Variants in AKNAD1 observed in about 807,000 individuals in gnomAD.
The protein encoded by AKNAD1 is protein AKNAD1.
Under a neutral mutation model 90.8 loss-of-function variants are expected in AKNAD1, and 67 were observed. The observed-to-expected ratio is 0.74, with a 90% CI of 0.61 to 0.90. The LOEUF (loss-of-function observed/expected upper bound fraction) is 0.90. Ranked by LOEUF, AKNAD1 falls within the 40% of genes least tolerant of loss-of-function variation. The probability of loss-of-function intolerance (pLI) is 0.00; values close to 1 mark genes in which losing one functional copy is unlikely to be tolerated. For synonymous variants in AKNAD1, 327 were observed against 341.4 expected (o/e 0.96, Z 0.46); for missense variants, 957 against 975.4 (o/e 0.98, Z 0.25).
intron 9 of AKNAD1, among the ~76,000 whole-genome samples, chr1:108,833,865 T>C (rs1366040143): frequency 6.6e-6 from 1 of 152,048 alleles, no homozygotes; most frequent in African/African-American, 2.4e-5. Context: ...TCACCTATCA[T>C]TTACCCTGAA....
At chr1:108,817,497 A>ATTTT (rs10681740) in intron 14 of AKNAD1, 792 of 60,358 alleles carry the variant, frequency 0.013, 56 homozygotes, top group Middle Eastern at 0.065. Flanking sequence ...TTTTTTTTTA[A>ATTTT]TTTTTTTTTT....
At chr1:108,852,893 ACCAC>A in intron 1 of AKNAD1, 126 bp from the exon 2 acceptor site, 2 of 369,858 alleles carry the variant, frequency 5.4e-6, no homozygotes, top group South Asian at 1.4e-4. Flanking sequence ...AGGAAGCTCA[ACCAC>A]AAGCTGACCC....
chr1:108,828,144 T>C lies in AKNAD1; in HGVS notation c.1839-842A>G, dbSNP rs549452325. 1.1e-4 allele frequency among the ~76,000 whole-genome samples: 16 copies of C among 151,720 alleles called. No individual in the cohort carries two copies. In the South Asian group the frequency reaches 3.2e-3, roughly 30 times the overall value. On this transcript the variant is annotated intron_variant, in intron 10 of 15. Coordinates refer to ENST00000370001, the MANE Select transcript of AKNAD1 (RefSeq NM_152763.5). The stretch of plus-strand genomic sequence containing the variant: ...CAGTTCCTACCAGGGGAAGAAACTA[T>C]GCTATACGTCAGTAATGGGTCACGT...
In AKNAD1 at chr1:108,838,079, G is replaced by C. The variant is rs149600729; in HGVS notation, c.1380-373C>G. ...TACTTGTTATGCTAATTTAAAAAGA[G>C]GAAGAATATTAGATATCTGAATAAT... On this transcript the variant is annotated intron_variant, in intron 6 of 15. Coordinates refer to ENST00000370001, the MANE Select transcript of AKNAD1 (RefSeq NM_152763.5). Among the ~76,000 whole-genome samples, 509 of 152,150 alleles carry C rather than the reference G, an allele frequency of 3.3e-3. 4 individuals are homozygous for C. Among genetic ancestry groups the C allele is most frequent in the African/African-American group, 0.012 (499 of 41,494 alleles).
At chr1:108,840,495 AAATTTTATT>A (rs1664520171) in intron 6 of AKNAD1, among the ~76,000 whole-genome samples, 1 of 152,260 alleles carries the variant, frequency 6.6e-6, no homozygotes, top group Non-Finnish European at 1.5e-5. Flanking sequence ...AATCCTCATG[AAATTTTATT>A]AAGAACCTTG....
chr1:108,829,561 G>A (rs1277861210), intron 10 of AKNAD1, among the ~76,000 whole-genome samples: 3 of 152,206 alleles, frequency 2.0e-5, no homozygotes, highest in Admixed American at 6.5e-5. Flanking sequence ...GCTGATGACT[G>A]ACATGGTGGT....
chr1:108,824,711 T>G (rs371032405), intron 11 of AKNAD1, among the ~76,000 whole-genome samples: 1 of 151,644 alleles, frequency 6.6e-6, no homozygotes, highest in South Asian at 2.1e-4. Flanking sequence ...GTTTTTTTTG[T>G]TTTGTTTTGT....
At chr1:108,850,960 A>G (rs1020429381) in intron 2 of AKNAD1, among the ~76,000 whole-genome samples, 2 of 152,220 alleles carry the variant, frequency 1.3e-5, no homozygotes, top group African/African-American at 4.8e-5. Flanking sequence ...TTTGTACCAA[A>G]TGATTACCAA....
chr1:108,846,467 C>G (rs1314333713), intron 5 of AKNAD1, among the ~76,000 whole-genome samples: 2 of 152,136 alleles, frequency 1.3e-5, no homozygotes, highest in Non-Finnish European at 2.9e-5. Flanking sequence ...CTTCCATAAT[C>G]CCTGCAATCT....
intron 5 of AKNAD1, 82 bp from the exon 6 acceptor site, chr1:108,843,349 C>T: frequency 6.5e-7 from 1 of 1,545,766 alleles, no homozygotes; most frequent in East Asian, 2.3e-5. Context: ...AGCAGGTGTA[C>T]CCTACAGTAG....
Position 108,832,089 on chromosome 1 carries a change from C to T in AKNAD1, c.1747-1439G>A, listed in dbSNP as rs1033908949. Among the ~76,000 whole-genome samples the T allele has an allele frequency of 5.9e-5, 9 of 152,090 alleles. No homozygotes were observed. The East Asian group carries it at 1.4e-3, about 23-fold the overall frequency. On this transcript the variant is annotated intron_variant, in intron 9 of 15. Coordinates refer to ENST00000370001, the MANE Select transcript of AKNAD1 (RefSeq NM_152763.5). The stretch of plus-strand genomic sequence containing the variant: ...ACTTCCAACCATCCTGGCACGTTGT[C>T]GCCATTTTAATGGTGAGTGATCTGA...
At chr1:108,841,041 C>T (rs1482764923) in intron 6 of AKNAD1, among the ~76,000 whole-genome samples, 1 of 152,068 alleles carries the variant, frequency 6.6e-6, no homozygotes, top group African/African-American at 2.4e-5. Flanking sequence ...GGCATGGTGG[C>T]ATGCACCTTT....
At chr1:108,834,385 G>T in intron 9 of AKNAD1, 62 bp downstream of exon 9, 1 of 1,371,104 alleles carries the variant, frequency 7.3e-7, no homozygotes, top group South Asian at 1.3e-5. Flanking sequence ...CAGCAACACT[G>T]GTTTTAGTTA....
At position 108,827,204 on chromosome 1, in the gene AKNAD1, C is replaced by A; in HGVS notation, c.1936+1G>T. 6.2e-7 allele frequency: 1 copy of A among 1,608,250 alleles called. No homozygotes were observed. The highest frequency in any genetic ancestry group is 8.5e-7 in the Non-Finnish European group (1 of 1,176,606). On this transcript the variant is annotated splice_donor_variant, in intron 11 of 15. Coordinates refer to ENST00000370001, the MANE Select transcript of AKNAD1 (RefSeq NM_152763.5). LOFTEE classifies it high-confidence loss of function. Reference sequence around the variant, plus strand: ...CACCCAGCCCAAGCCCATCAACTTACTGGGAGTTGAATCTGAGTGTGGTGC... The same window carrying A: ...CACCCAGCCCAAGCCCATCAACTTAATGGGAGTTGAATCTGAGTGTGGTGC...
intron 10 of AKNAD1, among the ~76,000 whole-genome samples, chr1:108,829,964 G>A (rs1664133401): frequency 1.3e-5 from 2 of 152,196 alleles, no homozygotes; most frequent in Admixed American, 1.3e-4. Flanking sequence ...TTTCTCCTGA[G>A]GATTTTACAT....
Position 108,830,639 on chromosome 1 carries a change from G to A in AKNAD1, c.1758C>T (p.Asn586=), listed in dbSNP as rs140857271. ...CACAATCCTGCCTTCTTGGAGTGCCGTTGGGATCCTCCTGCGCCACAAAGC... is the reference window on the plus strand; with the variant it reads ...CACAATCCTGCCTTCTTGGAGTGCCATTGGGATCCTCCTGCGCCACAAAGC... ...RLSSNSGEDP[N]GTPRRQDCAE... The change falls in exon 10 of 16, where the codon AAC becomes AAT. Residue 586 remains asparagine (N), a synonymous_variant. Coordinates refer to ENST00000370001, the MANE Select transcript of AKNAD1 (RefSeq NM_152763.5). 7.6e-5 allele frequency: 122 copies of A among 1,613,974 alleles called. No homozygotes were observed. In the African/African-American group the frequency reaches 1.1e-3, roughly 15 times the overall value.
rs147290502 is a variant in AKNAD1, at chr1:108,823,357, G to A, written c.2167+13C>T. ...TGTTGATATGGATGGGGTCATGCAG[G>A]AGATGTACTTACAGGGTGAAGAGTT... On this transcript the variant is annotated intron_variant, in intron 13 of 15. Coordinates refer to ENST00000370001, the MANE Select transcript of AKNAD1 (RefSeq NM_152763.5). The A allele has an allele frequency of 0.02, 30,933 of 1,575,646 alleles. 387 individuals carry two copies. Among genetic ancestry groups the A allele is most frequent in the Non-Finnish European group, 0.023 (26,429 of 1,144,906 alleles).
At chr1:108,834,141 T>C (rs984042749) in intron 9 of AKNAD1, among the ~76,000 whole-genome samples, 2 of 152,102 alleles carry the variant, frequency 1.3e-5, no homozygotes, top group African/African-American at 4.8e-5. Flanking sequence ...CAATGCAGAA[T>C]TGCAGGCTCG....
chr1:108,830,702 C>T (rs1324961129), intron 9 of AKNAD1, 52 bp from the exon 10 acceptor site: 25 of 1,572,560 alleles, frequency 1.6e-5, no homozygotes, highest in Admixed American at 3.3e-5. Context: ...TGACTCACGC[C>T]GCGGCTGCAC....
Sources: gnomAD v4.1 joint callset for allele counts (sites outside exome capture counted in the v4.1 genomes callset) on GRCh38, gnomAD v4.1.1 for gene constraint, MANE v1.5 for transcripts, NCBI Gene and HGNC (gene_info 2026-07-23, HGNC 2026-07-21) for gene names.